The following TBCD variants were observed in gnomAD, a reference collection of about 807,000 sequenced individuals.
TBCD encodes the protein tubulin-specific chaperone D.
In TBCD, 105 loss-of-function variants were observed where a neutral mutation model predicts 169.3. That is an observed-to-expected ratio of 0.62 (90% CI 0.53 to 0.73). The LOEUF is 0.73. Ranked by LOEUF, TBCD falls within the 30% of genes least tolerant of loss-of-function variation. The pLI, the probability that TBCD is intolerant of heterozygous loss-of-function variation, is 0.00. For synonymous variants in TBCD, 700 were observed against 643.9 expected (o/e 1.09, Z -1.32); for missense variants, 1,444 against 1,600.1 (o/e 0.90, Z 1.66).
chr17:82,758,275 A>G (rs943882017), intron 2 of TBCD, among the ~76,000 whole-genome samples: 3 of 148,934 alleles, frequency 2.0e-5, no homozygotes, highest in African/African-American at 4.9e-5. Context: ...AATCCCAGCT[A>G]CTTGGGGCTG....
chr17:82,866,832 T>C (rs1317016647), intron 13 of TBCD, among the ~76,000 whole-genome samples: 1 of 152,246 alleles, frequency 6.6e-6, no homozygotes, highest in Non-Finnish European at 1.5e-5. Context: ...CAGTCCAGTG[T>C]GCACGGGCCA....
chr17:82,773,793 C>G lies in TBCD; in HGVS notation c.638+1286C>G, dbSNP rs2048423889. Among the ~76,000 whole-genome samples, 3 of 151,868 alleles carry G rather than the reference C, an allele frequency of 2.0e-5. No individual in the cohort carries two copies. The South Asian group carries it at 6.2e-4, about 31-fold the overall frequency. Reference sequence around the variant, plus strand: ...CCAGGCTGGAGTGCAGTGGCACGATCTCGGCTCACTGCAAGCTCTGCCTCC... The same window carrying G: ...CCAGGCTGGAGTGCAGTGGCACGATGTCGGCTCACTGCAAGCTCTGCCTCC... On this transcript the variant is annotated intron_variant, in intron 6 of 38. Coordinates refer to ENST00000355528, the MANE Select transcript of TBCD (RefSeq NM_005993.5).
At chr17:82,899,448 C>A (rs1487835789) in intron 17 of TBCD, among the ~76,000 whole-genome samples, 1 of 148,460 alleles carries the variant, frequency 6.7e-6, no homozygotes, top group Non-Finnish European at 1.5e-5. Context: ...CGCCTGGGGC[C>A]CGTCCTCAGC....
intron 1 of TBCD, among the ~76,000 whole-genome samples, chr17:82,754,124 C>T (rs539909650): frequency 6.6e-6 from 1 of 152,246 alleles, no homozygotes; most frequent in East Asian, 1.9e-4. Context: ...ATCCACCCGC[C>T]TCAGCCTCCC....
intron 3 of TBCD, among the ~76,000 whole-genome samples, chr17:82,764,527 C>T (rs1253598695): frequency 6.6e-6 from 1 of 152,134 alleles, no homozygotes; most frequent in Non-Finnish European, 1.5e-5. Context: ...TGACTGTAAT[C>T]CCAGCTGCTT....
intron 9 of TBCD, among the ~76,000 whole-genome samples, chr17:82,802,397 G>A (rs2050638276): frequency 2.0e-5 from 3 of 152,158 alleles, no homozygotes; most frequent in Admixed American, 6.5e-5. Flanking sequence ...AGCTCACTCT[G>A]TAGGAAGTTG....
At chr17:82,822,360 G>T (rs2052485086) in intron 13 of TBCD, among the ~76,000 whole-genome samples, 1 of 152,196 alleles carries the variant, frequency 6.6e-6, no homozygotes, top group Non-Finnish European at 1.5e-5. Context: ...TCAGTGATGG[G>T]GCCAACCAGT....
rs2147319508 is a variant in TBCD at position 82,930,023 on chromosome 17, T to A, written c.2992-499T>A. ...TATGTGGCAACCCTGTGACAGCTGC[T>A]AAGTCCTAGAAAACACGTAACAGGA... is the stretch of plus-strand genomic sequence containing the variant. On this transcript the variant is annotated intron_variant, in intron 32 of 38. Transcript: ENST00000355528. The surrounding 1 kb of genome is among the most constrained non-coding windows in gnomAD (Gnocchi z 5.2). The A allele has an allele frequency of 3.7e-6, 1 of 268,386 alleles. No individual in the cohort carries two copies. 16.6% of individuals were successfully genotyped at this position (268,386 alleles called of 1,614,324 possible). A position where few individuals can be genotyped will look rare whatever the true frequency, so the allele number is the denominator to read the frequency against.
chr17:82,838,246 C>G (rs1411606506), intron 13 of TBCD, among the ~76,000 whole-genome samples: 10 of 151,990 alleles, frequency 6.6e-5, no homozygotes, highest in Admixed American at 6.6e-4. Context: ...ATGCAGCAGA[C>G]AGTTGTTAGG....
intron 7 of TBCD, among the ~76,000 whole-genome samples, chr17:82,794,598 C>T (rs1490808880): frequency 2.0e-5 from 3 of 152,262 alleles, no homozygotes; most frequent in Admixed American, 2.0e-4. Context: ...TGCGCTCTCT[C>T]TGGCCGCGTC....
chr17:82,803,964 G>A (rs1456153564), intron 9 of TBCD, among the ~76,000 whole-genome samples: 2 of 149,818 alleles, frequency 1.3e-5, no homozygotes, highest in Middle Eastern at 3.2e-3. Flanking sequence ...GGAGACTGGG[G>A]GCTGGGGTGT....
Position 82,903,550 on chromosome 17 carries a change from A to C in TBCD, c.1804+72A>C. On this transcript the variant is annotated intron_variant, in intron 19 of 38. Transcript: ENST00000355528. The surrounding 1 kb of genome is among the most constrained non-coding windows in gnomAD (Gnocchi z 4.8). Reference sequence around the variant, plus strand: ...AGAAAGGCCTGGGTTGCTGGTTTCAAAGGCTGGGGGCTGAAAATAAGGTTG... The same window carrying C: ...AGAAAGGCCTGGGTTGCTGGTTTCACAGGCTGGGGGCTGAAAATAAGGTTG... 1 of 1,434,832 alleles carries C rather than the reference A, an allele frequency of 7.0e-7. No homozygotes were observed. Among genetic ancestry groups the C allele is most frequent in the Non-Finnish European group, 9.6e-7 (1 of 1,046,484 alleles). The allele number at this position is 1,434,832 out of a possible 1,614,324, so 88.9% of individuals were successfully genotyped here. A position where few individuals can be genotyped will look rare whatever the true frequency, so the allele number is the denominator to read the frequency against.
chr17:82,757,584 T>A (rs2047469887), intron 2 of TBCD, among the ~76,000 whole-genome samples: 1 of 148,986 alleles, frequency 6.7e-6, no homozygotes, highest in Admixed American at 6.7e-5. Flanking sequence ...ATCACGTCAC[T>A]GCACTCCAGC....
chr17:82,795,591 CTT>C lies in TBCD; in HGVS notation c.772-2164_772-2163del, dbSNP rs532051417. The C allele has an allele frequency of 1.9e-3, 1,866 of 985,588 alleles. 9 individuals are homozygous for C. Among genetic ancestry groups the C allele is most frequent in the Non-Finnish European group, 1.7e-3 (1,448 of 830,060 alleles). The allele number at this position is 985,588 out of a possible 1,614,324, so 61.1% of individuals were successfully genotyped here. A position where few individuals can be genotyped will look rare whatever the true frequency, so the allele number is the denominator to read the frequency against. On this transcript the variant is annotated intron_variant, in intron 7 of 38. Coordinates refer to ENST00000355528, the MANE Select transcript of TBCD (RefSeq NM_005993.5). The stretch of plus-strand genomic sequence containing the variant: ...TGGCTGCAGGTGATACGGTGGTGCT[CTT>C]TGCCTGTAGGATGAGATTTCAGCCG...
At chr17:82,761,874 C>G (rs1281639396) in intron 2 of TBCD, among the ~76,000 whole-genome samples, 1 of 151,452 alleles carries the variant, frequency 6.6e-6, no homozygotes, top group African/African-American at 2.4e-5. Flanking sequence ...TACGGGTGCC[C>G]GCCAACACAC....
chr17:82,790,749 T>C (rs1370715520), intron 7 of TBCD, among the ~76,000 whole-genome samples: 1 of 152,170 alleles, frequency 6.6e-6, no homozygotes, highest in African/African-American at 2.4e-5. Context: ...GTCTGCTTTT[T>C]TCTCTTCCAC....
chr17:82,752,076 T>G lies in TBCD; in HGVS notation c.-118T>G, dbSNP rs2047126955. On this transcript the variant is annotated 5_prime_UTR_variant, in exon 1 of 39. Coordinates refer to ENST00000355528, the MANE Select transcript of TBCD (RefSeq NM_005993.5). ...GGTCGCGGGGCGGGGCCAGCGTCGG[T>G]TGCCGCCTTAGCGGGCGCCTCCTTT... is the stretch of plus-strand genomic sequence containing the variant. 23 of 1,192,386 alleles carry G rather than the reference T, an allele frequency of 1.9e-5. No individual in the cohort carries two copies. The highest frequency in any genetic ancestry group is 2.4e-5 in the Non-Finnish European group (22 of 908,166). 73.9% of individuals were successfully genotyped at this position (1,192,386 alleles called of 1,614,324 possible).
chr17:82,786,686 A>G (rs949052931), intron 7 of TBCD, among the ~76,000 whole-genome samples: 1 of 152,074 alleles, frequency 6.6e-6, no homozygotes, highest in African/African-American at 2.4e-5. Flanking sequence ...GCTGTGGGCC[A>G]CTGCGTTCAG....
Position 82,939,132 on chromosome 17 carries a change from T to C in TBCD, c.3370-235T>C. The C allele has an allele frequency of 1.4e-5, 8 of 580,872 alleles. No homozygotes were observed. The South Asian group carries it at 1.7e-4, about 12-fold the overall frequency. 36.0% of individuals were successfully genotyped at this position (580,872 alleles called of 1,614,324 possible). ...GCATTTAAACAAGAATGATGTCATCTTCACTGCTGGGATCCTGCAGCTAGC... is the reference window on the plus strand; with the variant it reads ...GCATTTAAACAAGAATGATGTCATCCTCACTGCTGGGATCCTGCAGCTAGC... On this transcript the variant is annotated intron_variant, in intron 36 of 38. Coordinates refer to ENST00000355528, the MANE Select transcript of TBCD (RefSeq NM_005993.5).
Sources: allele counts gnomAD v4.1 joint callset (sites outside exome capture counted in the v4.1 genomes callset), GRCh38; gene constraint gnomAD v4.1.1; non-coding constraint Gnocchi (gnomAD v3.1); transcripts MANE v1.5; gene names NCBI Gene and HGNC (gene_info 2026-07-23, HGNC 2026-07-21).